The following DCDC2 variants were observed in gnomAD, a reference collection of about 807,000 sequenced individuals.
DCDC2 encodes the protein doublecortin domain containing 2.
DCDC2 carries 40 observed loss-of-function variants against 50.2 expected under a neutral mutation model. The ratio of observed to expected loss-of-function variants is 0.80; its 90% CI spans 0.62 to 1.04. The LOEUF (loss-of-function observed/expected upper bound fraction) is 1.04. Ranked by LOEUF, DCDC2 falls within the 50% of genes least tolerant of loss-of-function variation. The pLI, the probability that DCDC2 is intolerant of heterozygous loss-of-function variation, is 0.00. For missense variants in DCDC2, 570 were observed against 581.9 expected (o/e 0.98, Z 0.21); for synonymous variants, 234 against 210.6 (o/e 1.11, Z -0.96).
chr6:24,176,084 G>A (rs1437494569), intron 9 of DCDC2, among the ~76,000 whole-genome samples: 1 of 152,006 alleles, frequency 6.6e-6, no homozygotes. Context: ...CTTGAGTCCA[G>A]GAGTTAAAAA....
intron 7 of DCDC2, among the ~76,000 whole-genome samples, chr6:24,221,179 G>C (rs180902280): frequency 2.7e-4 from 41 of 152,248 alleles, no homozygotes; most frequent in Middle Eastern, 3.4e-3. Flanking sequence ...TTGATTACCT[G>C]AGTTTTAGCT....
rs529920833 is a variant in DCDC2, at chr6:24,355,785, A to T, written c.293+1673T>A. 5.4e-4 allele frequency among the ~76,000 whole-genome samples: 83 copies of T among 152,342 alleles called. No homozygotes were observed. The South Asian group carries it at 0.016, about 29-fold the overall frequency. On this transcript the variant is annotated intron_variant, in intron 1 of 9. Coordinates refer to ENST00000378454, the MANE Select transcript of DCDC2 (RefSeq NM_016356.5). ...CCATGAAAAGAATGTCTGACGTAAC[A>T]AAAAGTATAATAGAATACCTAGAAC...
At chr6:24,260,582 C>T (rs1228605130) in intron 7 of DCDC2, among the ~76,000 whole-genome samples, 16 of 152,274 alleles carry the variant, frequency 1.1e-4, no homozygotes, top group Non-Finnish European at 1.5e-5. Flanking sequence ...GAACAGCTGC[C>T]TTATATCCAT....
chr6:24,228,247 G>A (rs1046745710), intron 7 of DCDC2, among the ~76,000 whole-genome samples: 3 of 152,172 alleles, frequency 2.0e-5, no homozygotes, highest in African/African-American at 7.2e-5. Context: ...AGAGCAAAAG[G>A]TTACAGCAAA....
At chr6:24,179,024 C>G (rs1353742954) in intron 8 of DCDC2, among the ~76,000 whole-genome samples, 2 of 151,916 alleles carry the variant, frequency 1.3e-5, no homozygotes, top group African/African-American at 4.8e-5. Flanking sequence ...AGTGAAGCAC[C>G]TGGCCCAGAG....
intron 2 of DCDC2, among the ~76,000 whole-genome samples, chr6:24,352,855 C>T (rs793721): frequency 0.55 from 84,089 of 152,046 alleles, 25,347 homozygotes; most frequent in East Asian, 0.8. Context: ...GGCTGGTGAA[C>T]AGAGGCCTAT....
chr6:24,211,713 G>A (rs1234889252), intron 7 of DCDC2, among the ~76,000 whole-genome samples: 1 of 152,128 alleles, frequency 6.6e-6, no homozygotes, highest in African/African-American at 2.4e-5. Flanking sequence ...GTAGAAACTG[G>A]AAAAACCATG....
At chr6:24,292,300 T>G (rs73726642) in intron 4 of DCDC2, among the ~76,000 whole-genome samples, 3,117 of 152,044 alleles carry the variant, frequency 0.021, 90 homozygotes, top group African/African-American at 0.067. Flanking sequence ...AAGCTTTCTG[T>G]CTTCCTATAT....
intron 8 of DCDC2, among the ~76,000 whole-genome samples, chr6:24,196,765 C>T (rs1016301549): frequency 3.9e-5 from 6 of 152,062 alleles, no homozygotes; most frequent in Non-Finnish European, 7.4e-5. Context: ...CATAATTAAA[C>T]GAAAGAAATA....
intron 7 of DCDC2, among the ~76,000 whole-genome samples, chr6:24,243,934 C>A (rs577997879): frequency 6.6e-6 from 1 of 152,314 alleles, no homozygotes; most frequent in East Asian, 1.9e-4. Context: ...ATCTGCTTCA[C>A]GATTTTGGTT....
chr6:24,260,796 A>T (rs1052916577), intron 7 of DCDC2, among the ~76,000 whole-genome samples: 15 of 152,224 alleles, frequency 9.9e-5, no homozygotes, highest in Non-Finnish European at 1.9e-4. Context: ...AGTGCCAGAG[A>T]AAATATGGAG....
chr6:24,316,804 G>A (rs1463013134), intron 2 of DCDC2, among the ~76,000 whole-genome samples: 1 of 151,926 alleles, frequency 6.6e-6, no homozygotes, highest in Non-Finnish European at 1.5e-5. Context: ...AAATACAATT[G>A]TATTAAGTAA....
intron 2 of DCDC2, among the ~76,000 whole-genome samples, chr6:24,324,663 G>C (rs1360019393): frequency 6.6e-6 from 1 of 152,060 alleles, no homozygotes; most frequent in African/African-American, 2.4e-5. Flanking sequence ...GCTGAAGGCT[G>C]GCTTGAGGAT....
intron 2 of DCDC2, among the ~76,000 whole-genome samples, chr6:24,331,593 T>G (rs1199848180): frequency 6.6e-6 from 1 of 152,182 alleles, no homozygotes; most frequent in Admixed American, 6.5e-5. Flanking sequence ...AATAGATATT[T>G]GAATCTCGTC....
chr6:24,221,644 G>GTT (rs1025245775), intron 7 of DCDC2, among the ~76,000 whole-genome samples: 7 of 152,198 alleles, frequency 4.6e-5, no homozygotes, highest in Non-Finnish European at 8.8e-5. Context: ...AAGCAACCTA[G>GTT]TTTTGTTTTT....
the DCDC2 span, among the ~76,000 whole-genome samples, chr6:24,373,333 G>T: frequency 2.0e-5 from 3 of 152,196 alleles, no homozygotes; most frequent in African/African-American, 7.2e-5. Flanking sequence ...AAACAATCCT[G>T]ATGTGGCACC....
At chr6:24,307,062 A>C (rs1759487115) in intron 2 of DCDC2, among the ~76,000 whole-genome samples, 1 of 152,200 alleles carries the variant, frequency 6.6e-6, no homozygotes. Context: ...AACACTTCAC[A>C]CTTCAATTTC....
chr6:24,276,194 A>T (rs539644102), intron 7 of DCDC2, among the ~76,000 whole-genome samples: 1 of 152,282 alleles, frequency 6.6e-6, no homozygotes, highest in East Asian at 1.9e-4. Flanking sequence ...AATGAAGGTT[A>T]CTTTCCTATG....
chr6:24,375,245 C>T, the DCDC2 span, among the ~76,000 whole-genome samples: 1 of 152,122 alleles, frequency 6.6e-6, no homozygotes, highest in Non-Finnish European at 1.5e-5. Context: ...AACCATATGC[C>T]CAGAGGCCCC....
Sources: allele counts gnomAD v4.1 joint callset (sites outside exome capture counted in the v4.1 genomes callset), GRCh38; gene constraint gnomAD v4.1.1; transcripts MANE v1.5; gene names NCBI Gene and HGNC (gene_info 2026-07-23, HGNC 2026-07-21).